Variants in TDRD9 observed in about 807,000 individuals in gnomAD.
The protein encoded by TDRD9 is tudor domain containing 9.
TDRD9 carries 124 observed loss-of-function variants against 172.6 expected under a neutral mutation model. That is an observed-to-expected ratio of 0.72 (90% CI 0.62 to 0.83). TDRD9 has a LOEUF of 0.83. Ranked by LOEUF, TDRD9 falls within the 40% of genes least tolerant of loss-of-function variation. The pLI, the probability that TDRD9 is intolerant of heterozygous loss-of-function variation, is 0.00. For missense variants in TDRD9, 1,479 were observed against 1,714.1 expected, an observed-to-expected ratio of 0.86 and a Z score of 2.42; for synonymous variants, 619 against 617.1, an observed-to-expected ratio of 1.00 and a Z score of -0.05.
chr14:103,949,387 A>G lies in TDRD9; in HGVS notation c.216-6277A>G, dbSNP rs556605992. Among the ~76,000 whole-genome samples the G allele has an allele frequency of 2.6e-5, 4 of 152,372 alleles. No homozygotes were observed. In the South Asian group the frequency reaches 8.3e-4, roughly 32 times the overall value. On this transcript the variant is annotated intron_variant, in intron 1 of 35. Coordinates refer to ENST00000409874, the MANE Select transcript of TDRD9 (RefSeq NM_153046.3). Reference sequence around the variant, plus strand: ...CTTGCAATGTGTAATTCATTTTGCTAGTAGAAGAATTCTTTGTAGAAGTTG... The same window carrying G: ...CTTGCAATGTGTAATTCATTTTGCTGGTAGAAGAATTCTTTGTAGAAGTTG...
chr14:103,979,754 A>G (rs999384395), intron 7 of TDRD9, among the ~76,000 whole-genome samples: 1 of 152,184 alleles, frequency 6.6e-6, no homozygotes, highest in African/African-American at 2.4e-5. Flanking sequence ...TCCATTATGC[A>G]TTACTGCCTC....
intron 1 of TDRD9, among the ~76,000 whole-genome samples, chr14:103,934,453 T>C (rs570497642): frequency 3.9e-5 from 6 of 152,206 alleles, no homozygotes; most frequent in Non-Finnish European, 8.8e-5. Context: ...AGGGAGAGAA[T>C]AGGTGTGGTC....
rs765892463 is a variant in TDRD9 at position 104,006,485 on chromosome 14, A to G, written c.1810A>G (p.Asn604Asp). 2 of 1,613,828 alleles carry G rather than the reference A, an allele frequency of 1.2e-6. No individual in the cohort carries two copies. The highest frequency in any genetic ancestry group is 8.5e-7 in the Non-Finnish European group (1 of 1,179,740). The change falls in exon 16 of 36, where the codon AAT becomes GAT. Residue 604 changes from asparagine (N) to aspartate (D), a missense_variant. Transcript: ENST00000409874. Reference protein sequence around the residue: ...LGRVLAQLPVNQQLGKLIVLG... With the variant: ...LGRVLAQLPVDQQLGKLIVLG... ...AAGAGTTTTAGCCCAACTTCCTGTAAATCAGCAACTTGGTAAACTCATAGT... is the reference window on the plus strand; with the variant it reads ...AAGAGTTTTAGCCCAACTTCCTGTAGATCAGCAACTTGGTAAACTCATAGT...
intron 34 of TDRD9, 136 bp downstream of exon 34, chr14:104,042,323 A>C: frequency 3.2e-6 from 2 of 634,802 alleles, no homozygotes; most frequent in Non-Finnish European, 5.6e-6. Context: ...TGGAGGCAGC[A>C]CTGGGAGGCA....
rs543843987 is a variant in TDRD9 at position 103,965,276 on chromosome 14, G to T, written c.421-57G>T. ...AATCCTGAAAGACTTCTTAATATAG[G>T]TGATACTTTACATTGCCATTTTGTG... On this transcript the variant is annotated intron_variant, in intron 3 of 35. Transcript: ENST00000409874. 59 of 1,426,992 alleles carry T rather than the reference G, an allele frequency of 4.1e-5. No individual in the cohort carries two copies. The East Asian group carries it at 1.3e-3, about 32-fold the overall frequency. The allele number at this position is 1,426,992 out of a possible 1,614,324, so 88.4% of individuals were successfully genotyped here. A position where few individuals can be genotyped will look rare whatever the true frequency, so the allele number is the denominator to read the frequency against.
chr14:104,042,165 A>G lies in TDRD9; in HGVS notation c.3952A>G (p.Ile1318Val), dbSNP rs748242526. 3.7e-6 allele frequency: 6 copies of G among 1,612,604 alleles called. No homozygotes were observed. Among genetic ancestry groups the G allele is most frequent in the South Asian group, 3.3e-5 (3 of 91,046 alleles). Residue 1318 changes from isoleucine (I) to valine (V), a missense_variant, in exon 34 of 36, where the codon ATT becomes GTT. Ile to Val is a conservative substitution (Grantham distance 29). Coordinates refer to ENST00000409874, the MANE Select transcript of TDRD9 (RefSeq NM_153046.3). The part of the protein sequence containing the change: ...GPERVAQLQD[I>V]ARQKLLGLFC... Reference sequence around the variant, plus strand: ...AGAGAGAGTTGCGCAGCTTCAAGACATTGCCCGTCAGAAGCTTTTAGGGTA... The same window carrying G: ...AGAGAGAGTTGCGCAGCTTCAAGACGTTGCCCGTCAGAAGCTTTTAGGGTA...
chr14:103,989,949 C>A (rs1393888710), intron 8 of TDRD9, among the ~76,000 whole-genome samples: 1 of 152,270 alleles, frequency 6.6e-6, no homozygotes, highest in Non-Finnish European at 1.5e-5. Flanking sequence ...ATCAGATCTC[C>A]TTATTATCAG....
rs2032156428 is a variant in TDRD9 at position 103,955,656 on chromosome 14, C to A, written c.216-8C>A. On this transcript the variant is annotated splice_region_variant and splice_polypyrimidine_tract_variant and intron_variant, in intron 1 of 35. Coordinates refer to ENST00000409874, the MANE Select transcript of TDRD9 (RefSeq NM_153046.3). ...AAATAGTATACTAACTTTTACTATTCTTTTCAGGTCACTCAGCCAAAGGAG... is the reference window on the plus strand; with the variant it reads ...AAATAGTATACTAACTTTTACTATTATTTTCAGGTCACTCAGCCAAAGGAG... The A allele has an allele frequency of 3.2e-6, 5 of 1,547,536 alleles. No individual in the cohort carries two copies. The highest frequency in any genetic ancestry group is 4.4e-6 in the Non-Finnish European group (5 of 1,144,550).
intron 21 of TDRD9, 79 bp from the exon 22 acceptor site, chr14:104,015,902 C>T (rs2034775955): frequency 1.0e-6 from 1 of 991,294 alleles, no homozygotes; most frequent in Non-Finnish European, 1.5e-6. Flanking sequence ...TCATATCATG[C>T]TGGGTTGAGA....
At position 103,950,697 on chromosome 14, in the gene TDRD9, A is replaced by G. The variant is rs144878799; in HGVS notation, c.216-4967A>G. Among the ~76,000 whole-genome samples, 239 of 152,322 alleles carry G rather than the reference A, an allele frequency of 1.6e-3. 1 individual carries two copies. Among genetic ancestry groups the G allele is most frequent in the Non-Finnish European group, 2.4e-3 (165 of 68,036 alleles). On this transcript the variant is annotated intron_variant, in intron 1 of 35. Transcript: ENST00000409874. ...GAATGAAATATTGTGTACCTCATCT[A>G]TTTGCTCATCAAACGCTTAGCAAAA...
chr14:103,930,069 C>A (rs142496466), intron 1 of TDRD9, among the ~76,000 whole-genome samples: 4 of 152,174 alleles, frequency 2.6e-5, no homozygotes, highest in African/African-American at 7.2e-5. Flanking sequence ...TCCCTCTTCT[C>A]GCTCTTTAAA....
At chr14:103,949,766 G>A (rs1327642594) in intron 1 of TDRD9, among the ~76,000 whole-genome samples, 2 of 152,030 alleles carry the variant, frequency 1.3e-5, no homozygotes, top group Non-Finnish European at 2.9e-5. Context: ...TGCAACATCC[G>A]CCTCCCAGGT....
At chr14:104,010,050 A>G (rs11160777) in intron 20 of TDRD9, among the ~76,000 whole-genome samples, 81,109 of 151,242 alleles carry the variant, frequency 0.54, 23,295 homozygotes, top group South Asian at 0.67. Context: ...GGTTCAAACA[A>G]TTCTCCTGCC....
chr14:103,956,107 AAAAAATATATATATATATATATATATAT>A (rs1265001463), intron 2 of TDRD9, among the ~76,000 whole-genome samples: 3 of 29,884 alleles, frequency 1.0e-4, no homozygotes, highest in Non-Finnish European at 1.7e-4. Flanking sequence ...AAAAAAAAAA[AAAAAATATATATATATATATATATATAT>A]ATATATATAT....
chr14:103,974,386 G>A (rs2033153672), intron 6 of TDRD9, among the ~76,000 whole-genome samples: 2 of 152,136 alleles, frequency 1.3e-5, no homozygotes, highest in Non-Finnish European at 2.9e-5. Context: ...CGGGCTGTAT[G>A]CACTGCTCCT....
intron 32 of TDRD9, among the ~76,000 whole-genome samples, chr14:104,039,091 A>C (rs1308693804): frequency 6.6e-6 from 1 of 152,224 alleles, no homozygotes; most frequent in Non-Finnish European, 1.5e-5. Flanking sequence ...ACTTACAGTC[A>C]TGGTGGAAGG....
intron 7 of TDRD9, among the ~76,000 whole-genome samples, chr14:103,977,743 C>T (rs1250068947): frequency 6.7e-6 from 1 of 149,780 alleles, no homozygotes; most frequent in African/African-American, 2.5e-5. Flanking sequence ...AATCTTTGTA[C>T]AAATATATGT....
In TDRD9 at chr14:104,034,162, A is replaced by G. The variant is rs1218601895; in HGVS notation, c.3619+93A>G. The G allele has an allele frequency of 4.2e-6, 3 of 708,046 alleles. No homozygotes were observed. The East Asian group carries it at 8.3e-5, about 20-fold the overall frequency. The allele number at this position is 708,046 out of a possible 1,614,324, so 43.9% of individuals were successfully genotyped here. A position where few individuals can be genotyped will look rare whatever the true frequency, so the allele number is the denominator to read the frequency against. ...ACAACTTATCCTATAATTGGTGAACAAGTCTACACTATGTACTATTCTTTT... is the reference window on the plus strand; with the variant it reads ...ACAACTTATCCTATAATTGGTGAACGAGTCTACACTATGTACTATTCTTTT... On this transcript the variant is annotated intron_variant, in intron 31 of 35. Coordinates refer to ENST00000409874, the MANE Select transcript of TDRD9 (RefSeq NM_153046.3).
chr14:104,033,935 A>G, intron 30 of TDRD9, 25 bp from the exon 31 acceptor site: 4 of 1,464,734 alleles, frequency 2.7e-6, no homozygotes, highest in Middle Eastern at 1.7e-4. Flanking sequence ...CAGTCACCCC[A>G]TCTCCTGGTG....
Sources: allele counts gnomAD v4.1 joint callset (sites outside exome capture counted in the v4.1 genomes callset), GRCh38; gene constraint gnomAD v4.1.1; transcripts MANE v1.5; gene names NCBI Gene and HGNC (gene_info 2026-07-23, HGNC 2026-07-21).